Variants in ANKRD55 observed in about 807,000 individuals in gnomAD.
ANKRD55 encodes ankyrin repeat domain-containing protein 55.
ANKRD55 carries 41 observed loss-of-function variants against 60.6 expected under a neutral mutation model. The observed-to-expected ratio is 0.68, with a 90% CI of 0.53 to 0.88. ANKRD55 has a LOEUF of 0.88. ANKRD55 is among the 40% of genes least tolerant of loss of function. The pLI is 0.00. For missense variants in ANKRD55, 732 were observed against 767.6 expected, an observed-to-expected ratio of 0.95 and a Z score of 0.55; for synonymous variants, 264 against 290.3, an observed-to-expected ratio of 0.91 and a Z score of 0.92.
At chr5:56,151,446 A>G (rs897475412) in intron 6 of ANKRD55, among the ~76,000 whole-genome samples, 2 of 152,228 alleles carry the variant, frequency 1.3e-5, no homozygotes, top group African/African-American at 4.8e-5. Context: ...AGAAAGGGCC[A>G]TAAAATAAAA....
chr5:56,123,983 C>G (rs564916406), intron 8 of ANKRD55, among the ~76,000 whole-genome samples: 11 of 152,084 alleles, frequency 7.2e-5, no homozygotes. Context: ...CAAGAGTGGG[C>G]GGATGTGGTG....
intron 6 of ANKRD55, among the ~76,000 whole-genome samples, chr5:56,154,579 T>C (rs953834670): frequency 1.6e-5 from 2 of 126,782 alleles, no homozygotes; most frequent in African/African-American, 6.0e-5. Flanking sequence ...AGATTTAGTT[T>C]TAAAGTTTTT....
At chr5:56,140,861 G>A (rs1233261897) in intron 7 of ANKRD55, among the ~76,000 whole-genome samples, 1 of 152,050 alleles carries the variant, frequency 6.6e-6, no homozygotes, top group East Asian at 1.9e-4. Flanking sequence ...TCAGGAGTTC[G>A]AGACCAGTCT....
At chr5:56,225,895 G>A (rs1339820594) in intron 2 of ANKRD55, among the ~76,000 whole-genome samples, 2 of 152,118 alleles carry the variant, frequency 1.3e-5, no homozygotes, top group Non-Finnish European at 2.9e-5. Flanking sequence ...ATATGAAAAT[G>A]GCCATACTGC....
intron 8 of ANKRD55, 53 bp from the exon 9 acceptor site, chr5:56,116,835 G>A: frequency 4.1e-6 from 6 of 1,468,184 alleles, no homozygotes; most frequent in Non-Finnish European, 4.5e-6. Flanking sequence ...GAATTGTTCA[G>A]GCTGCTTAGC....
intron 2 of ANKRD55, among the ~76,000 whole-genome samples, chr5:56,205,927 C>G (rs1759494283): frequency 6.6e-6 from 1 of 151,574 alleles, no homozygotes. Context: ...CTTTTCTGAA[C>G]TCTGTTTTTT....
chr5:56,200,993 A>T (rs1236873750), intron 2 of ANKRD55, among the ~76,000 whole-genome samples: 3 of 152,212 alleles, frequency 2.0e-5, no homozygotes, highest in African/African-American at 7.2e-5. Flanking sequence ...ATGCTAGTAA[A>T]ATTGTAGTTA....
chr5:56,166,158 TTTCCTTCC>T (rs1180954187), intron 5 of ANKRD55, among the ~76,000 whole-genome samples: 2 of 72,436 alleles, frequency 2.8e-5, no homozygotes, highest in East Asian at 7.8e-4. Flanking sequence ...TTCTTTCTTC[TTTCCTTCC>T]TTCCTTCCTT....
At chr5:56,135,284 C>CTTGCTTGCT (rs1561263917) in intron 7 of ANKRD55, among the ~76,000 whole-genome samples, 14 of 66,580 alleles carry the variant, frequency 2.1e-4, no homozygotes, top group African/African-American at 6.7e-4. Context: ...CCCTCCCTGC[C>CTTGCTTGCT]TGCCTGCTTG....
chr5:56,149,648 TTAAAA>T (rs373350227), intron 6 of ANKRD55, among the ~76,000 whole-genome samples: 6 of 152,278 alleles, frequency 3.9e-5, no homozygotes, highest in African/African-American at 1.2e-4. Flanking sequence ...TGTTGAATAA[TTAAAA>T]TAAAACAATC....
At chr5:56,106,522 C>T (rs571434747) in intron 10 of ANKRD55, among the ~76,000 whole-genome samples, 1 of 147,600 alleles carries the variant, frequency 6.8e-6, no homozygotes, top group Admixed American at 6.9e-5. Flanking sequence ...CTCCTGAGTT[C>T]AAGCGATTCT....
intron 6 of ANKRD55, among the ~76,000 whole-genome samples, chr5:56,159,453 C>T (rs908015038): frequency 4.6e-5 from 7 of 151,134 alleles, no homozygotes; most frequent in Middle Eastern, 3.4e-3. Context: ...AAGAGCGAAA[C>T]TCCATCTTAA....
intron 3 of ANKRD55, among the ~76,000 whole-genome samples, chr5:56,177,424 CA>C (rs1758759513): frequency 1.3e-5 from 2 of 152,160 alleles, no homozygotes; most frequent in African/African-American, 4.8e-5. Context: ...GGACATGCTG[CA>C]AAAGGCAATT....
intron 10 of ANKRD55, chr5:56,110,885 G>A (rs1282370278): frequency 1.8e-5 from 10 of 557,792 alleles, no homozygotes; most frequent in Non-Finnish European, 2.9e-5. Flanking sequence ...CTGGGGAGAT[G>A]AGAAGGCACA....
intron 10 of ANKRD55, chr5:56,110,596 G>C (rs116825778): frequency 6.5e-6 from 1 of 154,650 alleles, no homozygotes; most frequent in Non-Finnish European, 1.4e-5. Context: ...ACGCAAGAGG[G>C]AGAATTGCTT....
rs558420364 is a variant in ANKRD55 at position 56,119,450 on chromosome 5, A to C, written c.798-2668T>G. Among the ~76,000 whole-genome samples the C allele has an allele frequency of 1.3e-4, 20 of 152,306 alleles. No individual in the cohort carries two copies. In the South Asian group the frequency reaches 1.9e-3, roughly 14 times the overall value. Reference sequence around the variant, plus strand: ...TAGGGATGGGAGAGGGCTTGACTATATGGAAGGACATGAGTTGATGTTGGA... The same window carrying C: ...TAGGGATGGGAGAGGGCTTGACTATCTGGAAGGACATGAGTTGATGTTGGA... On this transcript the variant is annotated intron_variant, in intron 8 of 11. Coordinates refer to ENST00000341048, the MANE Select transcript of ANKRD55 (RefSeq NM_024669.3).
chr5:56,216,712 G>A (rs1759820839), intron 2 of ANKRD55, among the ~76,000 whole-genome samples: 1 of 152,220 alleles, frequency 6.6e-6, no homozygotes, highest in Non-Finnish European at 1.5e-5. Flanking sequence ...TAATCCAGAG[G>A]AAGCCCCTAA....
At chr5:56,100,706 G>C (rs1756246139) in intron 11 of ANKRD55, among the ~76,000 whole-genome samples, 3 of 152,178 alleles carry the variant, frequency 2.0e-5, no homozygotes. Flanking sequence ...GAAAAGCACT[G>C]TGGGCCCTTT....
chr5:56,192,848 C>A, intron 2 of ANKRD55: 1 of 688,424 alleles, frequency 1.5e-6, no homozygotes, highest in Admixed American at 2.4e-5. Context: ...TCAAAACCTA[C>A]AGAAAAAGGC....
Sources: gnomAD v4.1 joint callset for allele counts (sites outside exome capture counted in the v4.1 genomes callset) on GRCh38, gnomAD v4.1.1 for gene constraint, MANE v1.5 for transcripts, NCBI Gene and HGNC (gene_info 2026-07-23, HGNC 2026-07-21) for gene names.